The following ARHGAP15 variants were observed in gnomAD, a reference collection of about 807,000 sequenced individuals.
ARHGAP15 encodes the protein rho GTPase-activating protein 15.
In ARHGAP15, 51 loss-of-function variants were observed where a neutral mutation model predicts 63.7. The ratio of observed to expected loss-of-function variants is 0.80; its 90% CI spans 0.64 to 1.01. The LOEUF (loss-of-function observed/expected upper bound fraction) is 1.01, where lower values mean the gene tolerates loss of function less well. ARHGAP15 is among the 50% of genes least tolerant of loss of function. The pLI, the probability that ARHGAP15 is intolerant of heterozygous loss-of-function variation, is 0.00. For synonymous variants in ARHGAP15, 191 were observed against 193.8 expected, an observed-to-expected ratio of 0.99 and a Z score of 0.12; for missense variants, 560 against 564.6, an observed-to-expected ratio of 0.99 and a Z score of 0.08.
chr2:143,236,346 AC>A, intron 5 of ARHGAP15: 1 of 163,484 alleles, frequency 6.1e-6, no homozygotes. Context: ...TTCCAGAGAA[AC>A]TATTGTTGCA....
At chr2:143,767,919 A>G in intron 13 of ARHGAP15, 70 bp from the exon 14 acceptor site, 4 of 1,421,474 alleles carry the variant, frequency 2.8e-6, no homozygotes, top group South Asian at 1.3e-5. Context: ...ACCTTTTTTA[A>G]TCACTCCAAA....
At chr2:143,353,650 A>T (rs1685674484) in intron 6 of ARHGAP15, among the ~76,000 whole-genome samples, 1 of 152,212 alleles carries the variant, frequency 6.6e-6, no homozygotes, top group Non-Finnish European at 1.5e-5. Context: ...TGAAACCGAC[A>T]AATGAAAGCT....
chr2:143,273,397 T>C (rs1441555263), intron 6 of ARHGAP15, among the ~76,000 whole-genome samples: 2 of 152,138 alleles, frequency 1.3e-5, no homozygotes. Context: ...ATAAACCCTT[T>C]GTAAGTTGAA....
intron 10 of ARHGAP15, among the ~76,000 whole-genome samples, chr2:143,529,362 C>T (rs1280968066): frequency 2.0e-5 from 3 of 152,222 alleles, no homozygotes; most frequent in Non-Finnish European, 4.4e-5. Context: ...GATTGGGCCT[C>T]CATACTTCCT....
chr2:143,321,605 C>T (rs1684028191), intron 6 of ARHGAP15, among the ~76,000 whole-genome samples: 1 of 152,246 alleles, frequency 6.6e-6, no homozygotes. Context: ...AGATCCTCTG[C>T]CAGACATGGA....
At chr2:143,226,891 A>T (rs1574118411) in intron 4 of ARHGAP15, among the ~76,000 whole-genome samples, 1 of 152,338 alleles carries the variant, frequency 6.6e-6, no homozygotes, top group South Asian at 2.1e-4. Context: ...ACCTTACTGA[A>T]TCAAAGCTGT....
chr2:143,545,340 G>A (rs937403252), intron 10 of ARHGAP15, among the ~76,000 whole-genome samples: 2 of 152,188 alleles, frequency 1.3e-5, no homozygotes, highest in Admixed American at 6.5e-5. Flanking sequence ...ATGGTTGAAT[G>A]TGTTCTAAAT....
At chr2:143,765,624 C>G (rs1686922336) in intron 13 of ARHGAP15, among the ~76,000 whole-genome samples, 1 of 152,160 alleles carries the variant, frequency 6.6e-6, no homozygotes, top group African/African-American at 2.4e-5. Flanking sequence ...AATCTACTAT[C>G]ACCAGGCTGT....
chr2:143,724,901 T>C (rs1346689552), intron 13 of ARHGAP15, among the ~76,000 whole-genome samples: 2 of 152,100 alleles, frequency 1.3e-5, no homozygotes, highest in Non-Finnish European at 2.9e-5. Context: ...CAAAAAACAT[T>C]TCAATTCGCT....
intron 6 of ARHGAP15, among the ~76,000 whole-genome samples, chr2:143,261,325 C>CTTTT (rs534351317): frequency 4.5e-5 from 4 of 89,526 alleles, no homozygotes; most frequent in Admixed American, 1.2e-4. Context: ...GAGGAATGAC[C>CTTTT]TTTTTTTTTT....
At chr2:143,311,295 T>G (rs76050975) in intron 6 of ARHGAP15, among the ~76,000 whole-genome samples, 7,124 of 151,924 alleles carry the variant, frequency 0.047, 470 homozygotes, top group Admixed American at 0.2. Context: ...CCTTTTTTTT[T>G]TTTGTATTTA....
intron 11 of ARHGAP15, among the ~76,000 whole-genome samples, chr2:143,558,935 A>G (rs1695916007): frequency 1.3e-5 from 2 of 152,086 alleles, no homozygotes; most frequent in South Asian, 4.1e-4. Context: ...TGTCTTTCAC[A>G]ATTACTCTCT....
intron 11 of ARHGAP15, among the ~76,000 whole-genome samples, chr2:143,558,211 C>T (rs1010323523): frequency 4.6e-5 from 7 of 152,298 alleles, no homozygotes; most frequent in Middle Eastern, 3.4e-3. Context: ...TGTACTCCCA[C>T]ATTTACATAC....
At chr2:143,709,545 G>A (rs1281554325) in intron 13 of ARHGAP15, among the ~76,000 whole-genome samples, 4 of 152,060 alleles carry the variant, frequency 2.6e-5, no homozygotes, top group African/African-American at 9.7e-5. Flanking sequence ...ATTCCAAGGT[G>A]AAAAAATGAT....
At chr2:143,133,754 T>G (rs370648985) in intron 1 of ARHGAP15, among the ~76,000 whole-genome samples, 1 of 152,296 alleles carries the variant, frequency 6.6e-6, no homozygotes, top group East Asian at 1.9e-4. Context: ...TTTTTATTTC[T>G]ATCTATCCCA....
At chr2:143,666,352 A>G (rs1376016266) in intron 12 of ARHGAP15, among the ~76,000 whole-genome samples, 1 of 152,156 alleles carries the variant, frequency 6.6e-6, no homozygotes, top group African/African-American at 2.4e-5. Context: ...GTGCTGGGAT[A>G]ACTGGCTAGC....
chr2:143,170,860 T>C (rs985293862), intron 2 of ARHGAP15, among the ~76,000 whole-genome samples: 9 of 152,168 alleles, frequency 5.9e-5, no homozygotes, highest in African/African-American at 2.2e-4. Flanking sequence ...TATGTGTTCA[T>C]ATTATAGATC....
chr2:143,267,124 G>T (rs745652686), intron 6 of ARHGAP15, among the ~76,000 whole-genome samples: 1 of 152,098 alleles, frequency 6.6e-6, no homozygotes. Context: ...GTACAGTGAC[G>T]ACAGGAAGAA....
chr2:143,645,740 G>A (rs1364070476), intron 12 of ARHGAP15, among the ~76,000 whole-genome samples: 4 of 152,028 alleles, frequency 2.6e-5, no homozygotes, highest in African/African-American at 7.2e-5. Flanking sequence ...GAAGCATCAC[G>A]TGGTGGCTGT....
Sources: allele counts gnomAD v4.1 joint callset (sites outside exome capture counted in the v4.1 genomes callset), GRCh38; gene constraint gnomAD v4.1.1; transcripts MANE v1.5; gene names NCBI Gene and HGNC (gene_info 2026-07-23, HGNC 2026-07-21).